FRG1: variants seen among roughly 807,000 people sequenced by gnomAD.
FRG1 encodes protein FRG1.
A neutral mutation model predicts 37.0 loss-of-function variants in FRG1; 19 were observed. The ratio of observed to expected loss-of-function variants is 0.51; its 90% CI spans 0.36 to 0.75. The LOEUF (loss-of-function observed/expected upper bound fraction) is 0.75, where lower values mean the gene tolerates loss of function less well. Among genes scored for constraint, FRG1 ranks in the 30% least tolerant of loss-of-function variants. The pLI is 0.00. For missense variants in FRG1, 243 were observed against 301.4 expected, an observed-to-expected ratio of 0.81 and a Z score of 1.44; for synonymous variants, 73 against 96.5, an observed-to-expected ratio of 0.76 and a Z score of 1.43.
At chr4:189,944,743 T>G (rs2126799293) in intron 2 of FRG1, among the ~76,000 whole-genome samples, 1 of 152,328 alleles carries the variant, frequency 6.6e-6, no homozygotes, top group Non-Finnish European at 1.5e-5. Context: ...TTCTGGACTC[T>G]GTTCTATCGA....
intron 5 of FRG1, among the ~76,000 whole-genome samples, chr4:189,956,683 T>C (rs913647330): frequency 4.6e-5 from 7 of 152,338 alleles, no homozygotes; most frequent in Admixed American, 6.5e-5. Context: ...TTAACATATT[T>C]TGTAATCATT....
intron 1 of FRG1, 95 bp from the exon 2 acceptor site, chr4:189,943,107 T>C (rs1246957428): frequency 1.6e-5 from 21 of 1,331,878 alleles, no homozygotes; most frequent in Non-Finnish European, 2.1e-5. Flanking sequence ...AATTTATAAA[T>C]GAAACAGCTT....
intron 2 of FRG1, among the ~76,000 whole-genome samples, chr4:189,945,015 T>G (rs1241006975): frequency 1.3e-5 from 2 of 152,192 alleles, no homozygotes; most frequent in African/African-American, 2.4e-5. Flanking sequence ...CATTTATTCT[T>G]AAGTATTTTA....
In FRG1 at chr4:189,940,948, C is replaced by T. The variant is rs4145513; in HGVS notation, c.-62C>T. On this transcript the variant is annotated 5_prime_UTR_variant, in exon 1 of 9. Coordinates refer to ENST00000226798, the MANE Select transcript of FRG1 (RefSeq NM_004477.3). ...CTGTTTCTCCGCGCCCCTGTGCTGC[C>T]CCGACTCACATACTCGTCCAGAACC... 98,717 of 1,374,510 alleles carry T rather than the reference C, an allele frequency of 0.072. 10,053 individuals are homozygous for T. The highest frequency in any genetic ancestry group is 0.44 in the African/African-American group (29,527 of 67,014). The allele number at this position is 1,374,510 out of a possible 1,614,324, so 85.1% of individuals were successfully genotyped here. A position where few individuals can be genotyped will look rare whatever the true frequency, so the allele number is the denominator to read the frequency against.
chr4:189,955,490 C>T (rs1251293749), intron 5 of FRG1, among the ~76,000 whole-genome samples: 3 of 152,090 alleles, frequency 2.0e-5, no homozygotes, highest in Non-Finnish European at 2.9e-5. Flanking sequence ...CTTTCAGAAA[C>T]ATTAGAGACT....
intron 8 of FRG1, among the ~76,000 whole-genome samples, chr4:189,962,309 T>C (rs1737270936): frequency 6.6e-6 from 1 of 152,176 alleles, no homozygotes; most frequent in Non-Finnish European, 1.5e-5. Flanking sequence ...ACTAAAAAAC[T>C]AAGTATAAAA....
At chr4:189,941,767 AATTT>A in intron 1 of FRG1, 1 of 328,054 alleles carries the variant, frequency 3.0e-6, no homozygotes, top group Admixed American at 4.2e-5. Context: ...TCGTAATGGT[AATTT>A]ATTAGCTTTT....
intron 6 of FRG1, among the ~76,000 whole-genome samples, chr4:189,959,338 T>C (rs1390969712): frequency 6.6e-6 from 1 of 152,098 alleles, no homozygotes; most frequent in Admixed American, 6.5e-5. Context: ...CCCTGTGAGG[T>C]GGATGTGAGC....
chr4:189,949,349 A>G (rs552052791), intron 2 of FRG1, among the ~76,000 whole-genome samples: 1 of 152,342 alleles, frequency 6.6e-6, no homozygotes, highest in Admixed American at 6.5e-5. Flanking sequence ...ACTTGCAGAA[A>G]GTAGGCAGAA....
chr4:189,963,109 G>C lies in FRG1; in HGVS notation c.757G>C (p.Ala253Pro). The C allele has an allele frequency of 1.2e-6, 2 of 1,611,882 alleles. No individual in the cohort carries two copies. Among genetic ancestry groups the C allele is most frequent in the Non-Finnish European group, 1.7e-6 (2 of 1,178,724 alleles). The change falls in exon 9 of 9, where the codon GCC (alanine) becomes CCC (proline). Residue 253 changes from alanine to proline, a missense_variant. By Grantham distance (27) the Ala-to-Pro change is conservative. Coordinates refer to ENST00000226798, the MANE Select transcript of FRG1 (RefSeq NM_004477.3). Reference sequence around the variant, plus strand: ...TTTAAACAGGAGAGCCAAATTGAAAGCCGACAGATACTGCAAGTGACTGGG... The same window carrying C: ...TTTAAACAGGAGAGCCAAATTGAAACCCGACAGATACTGCAAGTGACTGGG... ...TLLDRRAKLK[A>P]DRYCK
chr4:189,942,408 A>G (rs1736349453), intron 1 of FRG1, among the ~76,000 whole-genome samples: 1 of 152,162 alleles, frequency 6.6e-6, no homozygotes, highest in Non-Finnish European at 1.5e-5. Context: ...GTCCTTGGCA[A>G]CCACTAATCC....
intron 2 of FRG1, among the ~76,000 whole-genome samples, chr4:189,946,703 T>A (rs1416780117): frequency 6.6e-6 from 1 of 152,236 alleles, no homozygotes; most frequent in Non-Finnish European, 1.5e-5. Flanking sequence ...TGTTTTTAAT[T>A]TCTACTACAT....
intron 4 of FRG1, among the ~76,000 whole-genome samples, chr4:189,953,691 T>A (rs1401803900): frequency 6.6e-6 from 1 of 152,036 alleles, no homozygotes; most frequent in African/African-American, 2.4e-5. Context: ...ATATAATCAT[T>A]AATGTATAAA....
chr4:189,941,221 G>A (rs75907369), intron 1 of FRG1, 150 bp downstream of exon 1: 1 of 715,942 alleles, frequency 1.4e-6, no homozygotes, highest in Non-Finnish European at 2.4e-6. Flanking sequence ...CGGAGGCCGG[G>A]CCGCGGTTCC....
intron 2 of FRG1, among the ~76,000 whole-genome samples, chr4:189,944,720 T>C (rs1440833151): frequency 6.6e-6 from 1 of 152,194 alleles, no homozygotes. Flanking sequence ...TAACTTTCTA[T>C]GTATTGGTCT....
Position 189,955,296 on chromosome 4 carries a change from C to T in FRG1, c.432+145C>T, listed in dbSNP as rs1736936695. 14 of 570,562 alleles carry T rather than the reference C, an allele frequency of 2.5e-5. No homozygotes were observed. The South Asian group carries it at 3.6e-4, about 15-fold the overall frequency. The allele number at this position is 570,562 out of a possible 1,614,324, so 35.3% of individuals were successfully genotyped here. A position where few individuals can be genotyped will look rare whatever the true frequency, so the allele number is the denominator to read the frequency against. On this transcript the variant is annotated intron_variant, in intron 5 of 8. Transcript: ENST00000226798. ...GAATAAATCAATAAGAACATAGAGC[C>T]TTAAAGAGATCTCAAAATATAGTGC...
At chr4:189,943,338 T>A in intron 2 of FRG1, 66 bp downstream of exon 2, 1 of 1,535,862 alleles carries the variant, frequency 6.5e-7, no homozygotes, top group Non-Finnish European at 8.8e-7. Context: ...CTTGAAAGTG[T>A]TTTCCTAGTT....
Position 189,940,928 on chromosome 4 carries a change from T to C in FRG1, c.-82T>C, listed in dbSNP as rs1138726. ...TGTTTATTTCGCGTCCGCTTCTGTT[T>C]CTCCGCGCCCCTGTGCTGCCCCGAC... On this transcript the variant is annotated 5_prime_UTR_variant, in exon 1 of 9. Transcript: ENST00000226798. The C allele has an allele frequency of 0.3, 325,063 of 1,081,960 alleles. 55,980 individuals are homozygous for C. Among genetic ancestry groups the C allele is most frequent in the African/African-American group, 0.72 (43,147 of 59,964 alleles). The allele number at this position is 1,081,960 out of a possible 1,614,324, so 67.0% of individuals were successfully genotyped here. A position where few individuals can be genotyped will look rare whatever the true frequency, so the allele number is the denominator to read the frequency against.
At chr4:189,962,990 C>T (rs1374584470) in intron 8 of FRG1, 103 bp from the exon 9 acceptor site, 4 of 657,372 alleles carry the variant, frequency 6.1e-6, no homozygotes, top group Middle Eastern at 6.9e-4. Flanking sequence ...GTGGTAATAA[C>T]CAAAATTGAA....
Sources: allele counts gnomAD v4.1 joint callset (sites outside exome capture counted in the v4.1 genomes callset), GRCh38; gene constraint gnomAD v4.1.1; transcripts MANE v1.5; gene names NCBI Gene and HGNC (gene_info 2026-07-23, HGNC 2026-07-21).